Variants in RANBP2 observed in about 807,000 individuals in gnomAD.
RANBP2 encodes the protein RAN binding protein 2.
In RANBP2, 57 loss-of-function variants were observed where a neutral mutation model predicts 303.6. That is an observed-to-expected ratio of 0.19 (90% CI 0.15 to 0.23). The LOEUF (loss-of-function observed/expected upper bound fraction) is 0.23. RANBP2 is among the 10% of genes least tolerant of loss of function. The pLI is 1.00. For missense variants in RANBP2, 3,138 were observed against 3,780.8 expected (o/e 0.83, Z 4.46); for synonymous variants, 1,167 against 1,301.5 (o/e 0.90, Z 2.23).
the RANBP2 span, among the ~76,000 whole-genome samples, chr2:108,989,647 C>T: frequency 1.3e-5 from 2 of 152,134 alleles, no homozygotes; most frequent in Non-Finnish European, 2.9e-5. Flanking sequence ...ACTGCTCTTC[C>T]TTTCCTCTCT....
At chr2:108,751,787 T>G (rs1675905891) in intron 11 of RANBP2, 84 bp downstream of exon 11, 5 of 1,611,910 alleles carry the variant, frequency 3.1e-6, no homozygotes, top group Non-Finnish European at 4.2e-6. Context: ...ATTTAATTTG[T>G]CATGTGACCC....
the RANBP2 span, among the ~76,000 whole-genome samples, chr2:108,848,968 A>G: frequency 1.3e-5 from 2 of 152,232 alleles, no homozygotes; most frequent in African/African-American, 4.8e-5. Flanking sequence ...TATTATAACT[A>G]TATCCCTGTG....
chr2:109,319,931 G>A, the RANBP2 span, among the ~76,000 whole-genome samples: 1 of 152,220 alleles, frequency 6.6e-6, no homozygotes. Context: ...TCCTTGCAGG[G>A]GCAAGGTGAA....
the RANBP2 span, among the ~76,000 whole-genome samples, chr2:109,049,369 C>T: frequency 3.3e-5 from 5 of 152,198 alleles, no homozygotes; most frequent in African/African-American, 7.2e-5. Context: ...CCCTGGGAGG[C>T]GTGTTAGGTG....
At chr2:109,707,970 C>T in the RANBP2 span, among the ~76,000 whole-genome samples, 1 of 152,240 alleles carries the variant, frequency 6.6e-6, no homozygotes, top group Admixed American at 6.5e-5. Context: ...CAGGTGCCAG[C>T]ACCTCAGCAG....
At chr2:109,252,876 T>C in the RANBP2 span, among the ~76,000 whole-genome samples, 2 of 152,182 alleles carry the variant, frequency 1.3e-5, no homozygotes, top group East Asian at 1.9e-4. Flanking sequence ...GTTTGGGTAT[T>C]GTATTGTACC....
the RANBP2 span, among the ~76,000 whole-genome samples, chr2:109,696,180 G>T: frequency 6.6e-6 from 1 of 151,960 alleles, no homozygotes; most frequent in East Asian, 1.9e-4. Flanking sequence ...GGCCTGGCTG[G>T]TCTCAAACTC....
the RANBP2 span, among the ~76,000 whole-genome samples, chr2:109,598,403 A>T: frequency 6.6e-6 from 1 of 152,126 alleles, no homozygotes; most frequent in Non-Finnish European, 1.5e-5. Flanking sequence ...CTTTTCCAAA[A>T]TTTTTATTAT....
the RANBP2 span, among the ~76,000 whole-genome samples, chr2:109,346,475 A>G: frequency 6.6e-6 from 1 of 152,184 alleles, no homozygotes; most frequent in African/African-American, 2.4e-5. Context: ...TTCTGGTAGG[A>G]AAATCGTTGG....
At chr2:109,422,891 C>A in the RANBP2 span, among the ~76,000 whole-genome samples, 1 of 152,130 alleles carries the variant, frequency 6.6e-6, no homozygotes, top group Admixed American at 6.5e-5. Flanking sequence ...TCCGAGATGT[C>A]CTGTCATCAC....
At chr2:109,465,285 T>C in the RANBP2 span, among the ~76,000 whole-genome samples, 2 of 152,218 alleles carry the variant, frequency 1.3e-5, no homozygotes, top group African/African-American at 4.8e-5. Context: ...TATAAACATC[T>C]TGTGTGGGTT....
At chr2:109,200,792 A>T in the RANBP2 span, among the ~76,000 whole-genome samples, 1 of 152,328 alleles carries the variant, frequency 6.6e-6, no homozygotes, top group Admixed American at 6.5e-5. Context: ...GGCTGAGCAC[A>T]GAAGAAAAAC....
chr2:109,437,086 A>G, the RANBP2 span: 81 of 1,613,514 alleles, frequency 5.0e-5, no homozygotes, highest in Non-Finnish European at 5.1e-6. Flanking sequence ...CCCAACAGGC[A>G]GCTGTCTACG....
At chr2:109,476,712 T>C in the RANBP2 span, among the ~76,000 whole-genome samples, 1 of 152,114 alleles carries the variant, frequency 6.6e-6, no homozygotes, top group Non-Finnish European at 1.5e-5. Flanking sequence ...TGAAAGCAAG[T>C]TTGTTAGGAA....
At position 108,748,769 on chromosome 2, in the gene RANBP2, C is replaced by A; in HGVS notation, c.1064-151C>A. The A allele has an allele frequency of 2.1e-6, 3 of 1,421,530 alleles. No individual in the cohort carries two copies. In the South Asian group the frequency reaches 3.7e-5, roughly 17 times the overall value. 88.1% of individuals were successfully genotyped at this position (1,421,530 alleles called of 1,614,324 possible). ...ACTCTTCTCATTTGCTACATAAGCA[C>A]CGGTTTTGTTGTCCAGCTGTATTTT... On this transcript the variant is annotated intron_variant, in intron 8 of 28. Transcript: ENST00000283195.
chr2:109,326,655 A>T, the RANBP2 span, among the ~76,000 whole-genome samples: 1 of 152,160 alleles, frequency 6.6e-6, no homozygotes, highest in Non-Finnish European at 1.5e-5. Context: ...CTTTTCTACA[A>T]TGCCTGTTTA....
the RANBP2 span, among the ~76,000 whole-genome samples, chr2:109,526,615 C>G: frequency 6.6e-6 from 1 of 152,142 alleles, no homozygotes; most frequent in Non-Finnish European, 1.5e-5. Flanking sequence ...CCCGGCTCAC[C>G]TCCTCTTTGA....
chr2:109,071,311 G>T, the RANBP2 span, among the ~76,000 whole-genome samples: 1 of 152,206 alleles, frequency 6.6e-6, no homozygotes, highest in Non-Finnish European at 1.5e-5. Context: ...AGGGAAATGG[G>T]TTTGGAGTAT....
chr2:108,888,934 T>G, the RANBP2 span, among the ~76,000 whole-genome samples: 1 of 152,070 alleles, frequency 6.6e-6, no homozygotes, highest in Non-Finnish European at 1.5e-5. Flanking sequence ...ATGTAGGCGT[T>G]TATTGCTGTA....
Sources: gnomAD v4.1 joint callset for allele counts (sites outside exome capture counted in the v4.1 genomes callset) on GRCh38, gnomAD v4.1.1 for gene constraint, MANE v1.5 for transcripts, NCBI Gene and HGNC (gene_info 2026-07-23, HGNC 2026-07-21) for gene names.